LRBA: variants seen among roughly 807,000 people sequenced by gnomAD.
LRBA encodes lipopolysaccharide-responsive and beige-like anchor protein.
LRBA carries 176 observed loss-of-function variants against 330.0 expected under a neutral mutation model. That is an observed-to-expected ratio of 0.53 (90% CI 0.47 to 0.60). LRBA has a LOEUF of 0.60. LRBA is among the 20% of genes least tolerant of loss of function. The pLI, the probability that LRBA is intolerant of heterozygous loss-of-function variation, is 0.00. For synonymous variants in LRBA, 1,230 were observed against 1,193.0 expected (o/e 1.03, Z -0.64); for missense variants, 3,259 against 3,444.8 (o/e 0.95, Z 1.35).
At chr4:150,658,851 G>C (rs1322890565) in intron 37 of LRBA, among the ~76,000 whole-genome samples, 1 of 30,222 alleles carries the variant, frequency 3.3e-5, no homozygotes, top group African/African-American at 4.7e-5. Context: ...CTCCCTGCCT[G>C]ATTCTCCTGC....
chr4:150,786,596 T>C (rs1021186786), intron 34 of LRBA, among the ~76,000 whole-genome samples: 1 of 152,112 alleles, frequency 6.6e-6, no homozygotes, highest in Non-Finnish European at 1.5e-5. Flanking sequence ...TCAAGATTCA[T>C]GACTCAAGGG....
intron 40 of LRBA, among the ~76,000 whole-genome samples, chr4:150,569,680 G>A (rs890026841): frequency 4.6e-5 from 7 of 151,960 alleles, no homozygotes; most frequent in South Asian, 2.1e-4. Flanking sequence ...TTTTCCAGTC[G>A]GTAATTAACA....
chr4:150,284,076 A>G (rs1560960855), intron 54 of LRBA, among the ~76,000 whole-genome samples: 1 of 152,242 alleles, frequency 6.6e-6, no homozygotes, highest in East Asian at 1.9e-4. Context: ...TGAATTGAAT[A>G]TAAATGGAAT....
chr4:150,602,499 C>A (rs542793859), intron 37 of LRBA, among the ~76,000 whole-genome samples: 12 of 152,084 alleles, frequency 7.9e-5, no homozygotes, highest in Admixed American at 3.3e-4. Context: ...CAAACCTGGG[C>A]CTAAAGTACA....
At chr4:150,916,279 T>C in intron 7 of LRBA, 122 bp downstream of exon 7, 2 of 955,796 alleles carry the variant, frequency 2.1e-6, no homozygotes, top group Non-Finnish European at 3.1e-6. Flanking sequence ...ACGCTTCATC[T>C]TTTTAAACAG....
chr4:150,276,604 A>G (rs1164901024), intron 56 of LRBA, among the ~76,000 whole-genome samples: 1 of 152,232 alleles, frequency 6.6e-6, no homozygotes, highest in Non-Finnish European at 1.5e-5. Context: ...CCCATCAAAA[A>G]GTGGGCAAAA....
intron 42 of LRBA, among the ~76,000 whole-genome samples, chr4:150,481,379 G>A (rs1431454690): frequency 6.6e-6 from 1 of 152,014 alleles, no homozygotes; most frequent in Non-Finnish European, 1.5e-5. Flanking sequence ...TGGATCACAT[G>A]GGAGCACTAT....
In LRBA at chr4:150,804,756, T is replaced by G. The variant is rs985553713; in HGVS notation, c.5518+1515A>C. 5.3e-5 allele frequency among the ~76,000 whole-genome samples: 8 copies of G among 152,230 alleles called. No individual in the cohort carries two copies. In the East Asian group the frequency reaches 1.2e-3, roughly 22 times the overall value. ...AGCAACCACCTAATCCAAGCACTTT[T>G]GAATGCAAAAATTAATTCTATATCA... On this transcript the variant is annotated intron_variant, in intron 33 of 56. Coordinates refer to ENST00000651943, the MANE Select transcript of LRBA (RefSeq NM_001364905.1).
chr4:150,374,688 A>G (rs1740967390), intron 47 of LRBA, among the ~76,000 whole-genome samples: 1 of 152,170 alleles, frequency 6.6e-6, no homozygotes, highest in African/African-American at 2.4e-5. Context: ...AGGGATGCTC[A>G]ACCGTAAGTA....
chr4:150,923,710 T>C (rs971493097), intron 4 of LRBA, among the ~76,000 whole-genome samples: 7 of 152,216 alleles, frequency 4.6e-5, no homozygotes, highest in Non-Finnish European at 8.8e-5. Context: ...TAATCAGACA[T>C]ACTATCTCAT....
chr4:150,606,253 T>C (rs1304079445), intron 37 of LRBA, among the ~76,000 whole-genome samples: 1 of 152,114 alleles, frequency 6.6e-6, no homozygotes, highest in Non-Finnish European at 1.5e-5. Flanking sequence ...TATGAGACTA[T>C]CAAAATCTGG....
At chr4:150,523,010 G>C (rs1763087538) in intron 40 of LRBA, among the ~76,000 whole-genome samples, 2 of 152,158 alleles carry the variant, frequency 1.3e-5, no homozygotes, top group Non-Finnish European at 2.9e-5. Context: ...GCGGTAACTT[G>C]TTTGATTTCA....
At position 150,268,619 on chromosome 4, in the gene LRBA, A is replaced by T. The variant is rs139959771; in HGVS notation, c.8469-2807T>A. The stretch of plus-strand genomic sequence containing the variant: ...CCATGCAAAAGTCAACCAACATATA[A>T]CATACTACATTAACAGAACAAACAA... On this transcript the variant is annotated intron_variant, in intron 56 of 56. Coordinates refer to ENST00000651943, the MANE Select transcript of LRBA (RefSeq NM_001364905.1). 4.3e-4 allele frequency among the ~76,000 whole-genome samples: 66 copies of T among 152,314 alleles called. No homozygotes were observed. In the East Asian group the frequency reaches 0.011, roughly 25 times the overall value.
At chr4:150,379,530 A>T (rs1256920514) in intron 47 of LRBA, among the ~76,000 whole-genome samples, 1 of 152,094 alleles carries the variant, frequency 6.6e-6, no homozygotes, top group African/African-American at 2.4e-5. Context: ...AGAAAAGTAC[A>T]TTTCATGGTC....
At chr4:150,604,082 C>T (rs1774382127) in intron 37 of LRBA, among the ~76,000 whole-genome samples, 2 of 152,074 alleles carry the variant, frequency 1.3e-5, no homozygotes, top group Non-Finnish European at 2.9e-5. Flanking sequence ...TACAACTATA[C>T]AAATTTGACT....
rs979818361 is a variant in LRBA, at chr4:150,602,376, G to A, written c.5922-3245C>T. Among the ~76,000 whole-genome samples the A allele has an allele frequency of 9.9e-5, 15 of 152,128 alleles. No individual in the cohort carries two copies. The East Asian group carries it at 2.1e-3, about 21-fold the overall frequency. ...CATTTATCACCCAATTTCAGATTGT[G>A]TAGGTAATACATGTTTTTGGAGAAA... is the stretch of plus-strand genomic sequence containing the variant. On this transcript the variant is annotated intron_variant, in intron 37 of 56. Transcript: ENST00000651943.
chr4:150,339,334 G>A (rs1282044197), intron 48 of LRBA, among the ~76,000 whole-genome samples: 1 of 152,120 alleles, frequency 6.6e-6, no homozygotes. Flanking sequence ...TAGACGGTCA[G>A]TACCCTAACA....
chr4:150,749,755 A>C (rs1733282035), intron 35 of LRBA, among the ~76,000 whole-genome samples: 1 of 152,182 alleles, frequency 6.6e-6, no homozygotes, highest in South Asian at 2.1e-4. Context: ...CTGTCTCAAA[A>C]ACAAAACAAA....
chr4:150,658,480 T>C (rs1389782460), intron 37 of LRBA, among the ~76,000 whole-genome samples: 2 of 134,736 alleles, frequency 1.5e-5, no homozygotes, highest in African/African-American at 5.5e-5. Flanking sequence ...GGCTCAAAAC[T>C]TGAAAAACCT....
Sources: allele counts gnomAD v4.1 joint callset (sites outside exome capture counted in the v4.1 genomes callset), GRCh38; gene constraint gnomAD v4.1.1; transcripts MANE v1.5; gene names NCBI Gene and HGNC (gene_info 2026-07-23, HGNC 2026-07-21).